CDS1: variants seen among roughly 807,000 people sequenced by gnomAD.
CDS1 encodes the protein phosphatidate cytidylyltransferase 1.
A neutral mutation model predicts 62.1 loss-of-function variants in CDS1; 41 were observed. That is an observed-to-expected ratio of 0.66 (90% CI 0.51 to 0.86). The LOEUF (loss-of-function observed/expected upper bound fraction) is 0.86, where lower values mean the gene tolerates loss of function less well. Ranked by LOEUF, CDS1 falls within the 40% of genes least tolerant of loss-of-function variation. The pLI is 0.00. For missense variants in CDS1, 470 were observed against 550.1 expected, an observed-to-expected ratio of 0.85 and a Z score of 1.46; for synonymous variants, 185 against 192.6, an observed-to-expected ratio of 0.96 and a Z score of 0.32.
chr4:84,645,877 C>T (rs1013915026), intron 12 of CDS1, among the ~76,000 whole-genome samples: 1 of 151,992 alleles, frequency 6.6e-6, no homozygotes, highest in East Asian at 1.9e-4. Flanking sequence ...TAAAGCAGGC[C>T]GAGGGGATCA....
chr4:84,590,072 A>C (rs1430810988), intron 1 of CDS1, among the ~76,000 whole-genome samples: 1 of 152,178 alleles, frequency 6.6e-6, no homozygotes, highest in Non-Finnish European at 1.5e-5. Flanking sequence ...TGGCCTCCCA[A>C]AGTGCTGGGA....
intron 3 of CDS1, among the ~76,000 whole-genome samples, chr4:84,611,611 T>C (rs1723327211): frequency 6.6e-6 from 1 of 152,236 alleles, no homozygotes; most frequent in South Asian, 2.1e-4. Context: ...CAAAGCCTCT[T>C]TCACTTCTCT....
Position 84,583,494 on chromosome 4 carries a change from C to A in CDS1, c.93C>A (p.His31Gln). The change falls in exon 1 of 13, where the codon CAC becomes CAA. Residue 31 changes from histidine to glutamine, a missense_variant. Physicochemically the swap from His to Gln is conservative, Grantham distance 24. Transcript: ENST00000295887. ...AGGGAGAGGCGGCCGGCGGCGACCACGAAACCGAGAGCACCAGCGACAAAG... is the reference window on the plus strand; with the variant it reads ...AGGGAGAGGCGGCCGGCGGCGACCAAGAAACCGAGAGCACCAGCGACAAAG... ...HREGEAAGGDHETESTSDKET... is the reference protein window; with the variant it reads ...HREGEAAGGDQETESTSDKET... 6.5e-7 allele frequency: 1 copy of A among 1,544,838 alleles called. No individual in the cohort carries two copies. The highest frequency in any genetic ancestry group is 8.7e-7 in the Non-Finnish European group (1 of 1,146,772).
rs1206125683 is a variant in CDS1 at position 84,650,720 on chromosome 4, C to T, written c.*2034C>T. 1 of 152,052 alleles carries T rather than the reference C, an allele frequency of 6.6e-6. No individual in the cohort carries two copies. Among genetic ancestry groups the T allele is most frequent in the South Asian group, 2.1e-4 (1 of 4,830 alleles). The allele number at this position is 152,052 out of a possible 1,614,324, so 9.4% of individuals were successfully genotyped here. On this transcript the variant is annotated 3_prime_UTR_variant, in exon 13 of 13. Coordinates refer to ENST00000295887, the MANE Select transcript of CDS1 (RefSeq NM_001263.4). Reference sequence around the variant, plus strand: ...GAAATATTTGGGATCACAGTAATAGCTTTTCTCAAATATACTTTTAGAATT... The same window carrying T: ...GAAATATTTGGGATCACAGTAATAGTTTTTCTCAAATATACTTTTAGAATT...
rs747125385 is a variant in CDS1 at position 84,648,543 on chromosome 4, C to T, written c.1257-14C>T. The T allele has an allele frequency of 6.2e-7, 1 of 1,609,656 alleles. No individual in the cohort carries two copies. Among genetic ancestry groups the T allele is most frequent in the Non-Finnish European group, 8.5e-7 (1 of 1,178,386 alleles). Reference sequence around the variant, plus strand: ...AAATAACACGAACTTGTCTTCTTTGCCTTTTATCATTAGGGGCCCAAATCC... The same window carrying T: ...AAATAACACGAACTTGTCTTCTTTGTCTTTTATCATTAGGGGCCCAAATCC... On this transcript the variant is annotated splice_polypyrimidine_tract_variant and intron_variant, in intron 12 of 12. Transcript: ENST00000295887.
intron 5 of CDS1, 122 bp downstream of exon 5, chr4:84,619,655 G>C: frequency 1.7e-6 from 1 of 572,902 alleles, no homozygotes; most frequent in East Asian, 3.2e-5. Context: ...CTTTTTCATT[G>C]TTTCTTGTGT....
intron 1 of CDS1, among the ~76,000 whole-genome samples, chr4:84,603,365 C>T (rs576409317): frequency 6.6e-6 from 1 of 152,280 alleles, no homozygotes; most frequent in South Asian, 2.1e-4. Flanking sequence ...GTAAGCCATT[C>T]TCCCAAGGTT....
intron 2 of CDS1, among the ~76,000 whole-genome samples, chr4:84,608,755 G>C (rs998262973): frequency 6.6e-6 from 1 of 152,034 alleles, no homozygotes; most frequent in Non-Finnish European, 1.5e-5. Context: ...CATCTCTTTT[G>C]AGGGCTTTTG....
chr4:84,612,157 G>GA (rs1723344911), intron 3 of CDS1, among the ~76,000 whole-genome samples: 1 of 151,568 alleles, frequency 6.6e-6, no homozygotes, highest in African/African-American at 2.4e-5. Flanking sequence ...CTCGGTGGCA[G>GA]AAAAAGGTGC....
intron 2 of CDS1, 69 bp downstream of exon 2, chr4:84,604,439 A>C: frequency 6.5e-7 from 1 of 1,528,706 alleles, no homozygotes; most frequent in Non-Finnish European, 8.8e-7. Context: ...TTGTCCATGT[A>C]ATAAATTTGG....
At chr4:84,611,570 A>G (rs1025541665) in intron 3 of CDS1, among the ~76,000 whole-genome samples, 2 of 152,186 alleles carry the variant, frequency 1.3e-5, no homozygotes, top group African/African-American at 4.8e-5. Context: ...TCAGCTCTTG[A>G]AGCCACTTAA....
intron 3 of CDS1, among the ~76,000 whole-genome samples, chr4:84,615,403 C>T (rs1208594652): frequency 6.6e-6 from 1 of 152,092 alleles, no homozygotes; most frequent in Non-Finnish European, 1.5e-5. Context: ...TTCAACTCCT[C>T]GGTGCACTGC....
At chr4:84,598,451 C>T (rs978919109) in intron 1 of CDS1, among the ~76,000 whole-genome samples, 1 of 150,456 alleles carries the variant, frequency 6.6e-6, no homozygotes, top group African/African-American at 2.4e-5. Context: ...TTTTAGGGTA[C>T]ATGTGCACAA....
chr4:84,600,682 A>G (rs1246275645), intron 1 of CDS1, among the ~76,000 whole-genome samples: 1 of 152,238 alleles, frequency 6.6e-6, no homozygotes, highest in Non-Finnish European at 1.5e-5. Flanking sequence ...TCTTGATTAC[A>G]GTAGCTTTAT....
In CDS1 at chr4:84,645,308, C is replaced by T. The variant is rs759273456; in HGVS notation, c.1239C>T (p.Tyr413=). The T allele has an allele frequency of 6.3e-7, 1 of 1,593,590 alleles. No individual in the cohort carries two copies. Among genetic ancestry groups the T allele is most frequent in the Non-Finnish European group, 8.6e-7 (1 of 1,161,690 alleles). The change falls in exon 12 of 13, where the codon TAC becomes TAT. Residue 413 remains tyrosine, a synonymous_variant. Transcript: ENST00000295887. ...TGATGGCAACTTTTGTACATGTGTA[C>T]ATCACAAGTTTTATAAGGTACTTTT... ...QYLMATFVHV[Y]ITSFIRGPNP... is the part of the protein sequence containing the mutation.
At chr4:84,619,893 A>G (rs1321623766) in intron 5 of CDS1, among the ~76,000 whole-genome samples, 2 of 151,830 alleles carry the variant, frequency 1.3e-5, no homozygotes, top group African/African-American at 4.8e-5. Flanking sequence ...TTAGACGGGC[A>G]TAGTGGCACA....
chr4:84,604,184 GGCCA>G, intron 1 of CDS1, 55 bp from the exon 2 acceptor site: 2 of 1,470,654 alleles, frequency 1.4e-6, no homozygotes, highest in Non-Finnish European at 9.4e-7. Flanking sequence ...TGAATGTATT[GGCCA>G]GCCTGTGCTT....
At chr4:84,604,650 C>G (rs1408795134) in intron 2 of CDS1, among the ~76,000 whole-genome samples, 1 of 152,236 alleles carries the variant, frequency 6.6e-6, no homozygotes, top group African/African-American at 2.4e-5. Flanking sequence ...CTGTCAGATT[C>G]TGAAGCCTGT....
chr4:84,611,036 G>T lies in CDS1; in HGVS notation c.342+1511G>T, dbSNP rs78920297. 9.0e-3 allele frequency among the ~76,000 whole-genome samples: 1,371 copies of T among 152,334 alleles called. 51 individuals are homozygous for T. Among genetic ancestry groups the T allele is most frequent in the Admixed American group, 0.061 (938 of 15,302 alleles). On this transcript the variant is annotated intron_variant, in intron 3 of 12. Coordinates refer to ENST00000295887, the MANE Select transcript of CDS1 (RefSeq NM_001263.4). ...GACGGAGCTGGGAGACTTTCCAGAGGCACAGTGCCAAGCACGTGGGCTGCA... is the reference window on the plus strand; with the variant it reads ...GACGGAGCTGGGAGACTTTCCAGAGTCACAGTGCCAAGCACGTGGGCTGCA...
Sources: allele counts gnomAD v4.1 joint callset (sites outside exome capture counted in the v4.1 genomes callset), GRCh38; gene constraint gnomAD v4.1.1; transcripts MANE v1.5; gene names NCBI Gene and HGNC (gene_info 2026-07-23, HGNC 2026-07-21).